The following TBC1D8 variants were observed in gnomAD, a reference collection of about 807,000 sequenced individuals.
TBC1D8 encodes TBC1 domain family member 8.
TBC1D8 carries 65 observed loss-of-function variants against 118.8 expected under a neutral mutation model. The ratio of observed to expected loss-of-function variants is 0.55; its 90% CI spans 0.45 to 0.67. The LOEUF is 0.67. Ranked by LOEUF, TBC1D8 falls within the 30% of genes least tolerant of loss-of-function variation. The pLI is 0.00. For missense variants in TBC1D8, 1,376 were observed against 1,471.2 expected (o/e 0.94, Z 1.06); for synonymous variants, 566 against 595.8 (o/e 0.95, Z 0.73).
chr2:101,091,783 G>C (rs1187149116), intron 1 of TBC1D8, among the ~76,000 whole-genome samples: 2 of 152,168 alleles, frequency 1.3e-5, no homozygotes, highest in African/African-American at 4.8e-5. Flanking sequence ...TAAGATGGCT[G>C]AGAAGATTAG....
intron 1 of TBC1D8, among the ~76,000 whole-genome samples, chr2:101,119,879 C>T (rs1678019646): frequency 6.6e-6 from 1 of 152,196 alleles, no homozygotes; most frequent in Admixed American, 6.5e-5. Context: ...CTTGAAATGA[C>T]ACCAATCAAA....
intron 1 of TBC1D8, among the ~76,000 whole-genome samples, chr2:101,150,350 C>A (rs1052336255): frequency 1.3e-5 from 2 of 152,008 alleles, no homozygotes; most frequent in South Asian, 2.1e-4. Flanking sequence ...AAATATAGGC[C>A]CCCTAGATAC....
intron 2 of TBC1D8, among the ~76,000 whole-genome samples, chr2:101,073,316 A>G (rs1337006036): frequency 2.3e-5 from 3 of 131,810 alleles, no homozygotes; most frequent in Admixed American, 8.0e-5. Flanking sequence ...TTTTTTGGAG[A>G]TGGAGTCTTG....
chr2:101,047,542 G>GC (rs1174496553), intron 5 of TBC1D8, among the ~76,000 whole-genome samples: 1 of 152,184 alleles, frequency 6.6e-6, no homozygotes, highest in Non-Finnish European at 1.5e-5. Flanking sequence ...ATACCCACAG[G>GC]CCCACGTCTC....
intron 1 of TBC1D8, among the ~76,000 whole-genome samples, chr2:101,100,741 T>A (rs1185806175): frequency 6.6e-6 from 1 of 152,122 alleles, no homozygotes; most frequent in African/African-American, 2.4e-5. Flanking sequence ...ACCACACGTC[T>A]ACAACCATCT....
chr2:101,018,483 A>G (rs1460034402), intron 17 of TBC1D8, among the ~76,000 whole-genome samples: 1 of 152,214 alleles, frequency 6.6e-6, no homozygotes, highest in African/African-American at 2.4e-5. Context: ...GTACTTGGTT[A>G]TGTATAAGAC....
At chr2:101,046,275 C>T (rs76697963) in intron 5 of TBC1D8, among the ~76,000 whole-genome samples, 2 of 152,182 alleles carry the variant, frequency 1.3e-5, no homozygotes, top group Non-Finnish European at 2.9e-5. Flanking sequence ...CACAGGCGGT[C>T]GGCACGAAGG....
intron 4 of TBC1D8, among the ~76,000 whole-genome samples, chr2:101,051,346 A>G (rs1344767902): frequency 1.3e-5 from 2 of 152,222 alleles, no homozygotes; most frequent in Non-Finnish European, 2.9e-5. Context: ...GTTTTCCACA[A>G]TGATTGAGCT....
At chr2:101,026,481 CCCTG>C (rs1680342272) in intron 15 of TBC1D8, among the ~76,000 whole-genome samples, 1 of 152,162 alleles carries the variant, frequency 6.6e-6, no homozygotes, top group Non-Finnish European at 1.5e-5. Flanking sequence ...AACCCAACAA[CCCTG>C]CAGTCACTGA....
intron 7 of TBC1D8, 109 bp downstream of exon 7, chr2:101,038,352 G>T: frequency 8.1e-7 from 1 of 1,239,762 alleles, no homozygotes; most frequent in Non-Finnish European, 1.1e-6. Flanking sequence ...CCACACACAG[G>T]CCCCGCATTC....
intron 1 of TBC1D8, among the ~76,000 whole-genome samples, chr2:101,107,927 C>T (rs1038840442): frequency 6.6e-6 from 1 of 152,064 alleles, no homozygotes; most frequent in African/African-American, 2.4e-5. Flanking sequence ...GGCATGGTAG[C>T]AGGTGCCTGT....
At chr2:101,120,727 C>T (rs1167069958) in intron 1 of TBC1D8, among the ~76,000 whole-genome samples, 1 of 152,224 alleles carries the variant, frequency 6.6e-6, no homozygotes, top group Non-Finnish European at 1.5e-5. Flanking sequence ...CACAAAGTCC[C>T]AGGAAGCTCT....
chr2:101,039,711 T>A (rs1488020151), intron 6 of TBC1D8, among the ~76,000 whole-genome samples: 1 of 152,166 alleles, frequency 6.6e-6, no homozygotes, highest in Non-Finnish European at 1.5e-5. Flanking sequence ...CATTTTAAAA[T>A]TTTTAACTGA....
chr2:101,037,539 G>A lies in TBC1D8; in HGVS notation c.1445C>T (p.Ser482Phe). 6.2e-7 allele frequency: 1 copy of A among 1,612,248 alleles called. No homozygotes were observed. The highest frequency in any genetic ancestry group is 8.5e-7 in the Non-Finnish European group (1 of 1,179,860). ...FQQSGSQSPD[S>F]RMSREQIKIS... ...GCACCAGGCGTCACCCACCATTCGG[G>A]AGTCAGGGCTCTGGCTGCCTGACTG... Residue 482 changes from serine (S) to phenylalanine (F), a missense_variant, in exon 8 of 20, where the codon TCC becomes TTC. Transcript: ENST00000409318.
At chr2:101,142,532 GAATA>G (rs1307643136) in intron 1 of TBC1D8, among the ~76,000 whole-genome samples, 1 of 152,006 alleles carries the variant, frequency 6.6e-6, no homozygotes, top group East Asian at 1.9e-4. Context: ...ACAGGAGAAT[GAATA>G]AATAATAATA....
At chr2:101,072,179 C>T (rs996183077) in intron 2 of TBC1D8, among the ~76,000 whole-genome samples, 2 of 152,124 alleles carry the variant, frequency 1.3e-5, no homozygotes, top group African/African-American at 4.8e-5. Context: ...TCTGTTTGCA[C>T]TGCTATAAAG....
Position 101,008,245 on chromosome 2 carries a change from A to AGAG in TBC1D8, c.3041_3043dup (p.Thr1014_Leu1015insPro). ...TGGATCTTCATGGAACATACTGTAC[A>AGAG]GAGTTTTACAGAACTGGATAAATTC... On this transcript the variant is annotated inframe_insertion, in exon 20 of 20. Coordinates refer to ENST00000409318, the MANE Select transcript of TBC1D8 (RefSeq NM_001330348.2). The AGAG allele has an allele frequency of 6.4e-7, 1 of 1,559,412 alleles. No individual in the cohort carries two copies. The highest frequency in any genetic ancestry group is 8.7e-7 in the Non-Finnish European group (1 of 1,151,330).
At chr2:101,033,381 T>C (rs1316788713) in intron 10 of TBC1D8, 163 bp downstream of exon 10, 4 of 818,676 alleles carry the variant, frequency 4.9e-6, no homozygotes, top group East Asian at 5.3e-5. Context: ...AGTAGTCCCT[T>C]TGGCCCTCAT....
rs188177855 is a variant in TBC1D8, at chr2:101,100,848, G to A, written c.128-10484C>T. Reference sequence around the variant, plus strand: ...ACTGGCTAGCCACATGCAGAAAACTGAAACTGGACCCCTTCCTTACACCTT... The same window carrying A: ...ACTGGCTAGCCACATGCAGAAAACTAAAACTGGACCCCTTCCTTACACCTT... On this transcript the variant is annotated intron_variant, in intron 1 of 19. Transcript: ENST00000409318. 9.1e-4 allele frequency among the ~76,000 whole-genome samples: 139 copies of A among 152,260 alleles called. 1 individual carries two copies. The highest frequency in any genetic ancestry group is 3.3e-3 in the African/African-American group (136 of 41,544).
Sources: allele counts gnomAD v4.1 joint callset (sites outside exome capture counted in the v4.1 genomes callset), GRCh38; gene constraint gnomAD v4.1.1; transcripts MANE v1.5; gene names NCBI Gene and HGNC (gene_info 2026-07-23, HGNC 2026-07-21).